Variants in DTWD2 observed in about 807,000 individuals in gnomAD.
The protein encoded by DTWD2 is tRNA-uridine aminocarboxypropyltransferase 2.
A neutral mutation model predicts 31.8 loss-of-function variants in DTWD2; 39 were observed. The ratio of observed to expected loss-of-function variants is 1.22; its 90% CI spans 0.95 to 1.60. DTWD2 has a LOEUF of 1.60. DTWD2 is among the 40% of genes most tolerant of loss of function. DTWD2 has a pLI of 0.00. For synonymous variants in DTWD2, 180 were observed against 142.8 expected, an observed-to-expected ratio of 1.26 and a Z score of -1.86; for missense variants, 515 against 381.5, an observed-to-expected ratio of 1.35 and a Z score of -2.92.
chr5:118,953,610 C>T (rs2149589862), intron 1 of DTWD2, among the ~76,000 whole-genome samples: 1 of 152,312 alleles, frequency 6.6e-6, no homozygotes, highest in East Asian at 1.9e-4. Context: ...CTTTGGACTT[C>T]CCTAAATTGG....
At chr5:118,903,084 A>G (rs1359356080) in intron 4 of DTWD2, among the ~76,000 whole-genome samples, 1 of 151,852 alleles carries the variant, frequency 6.6e-6, no homozygotes, top group Non-Finnish European at 1.5e-5. Context: ...AAAATAATAT[A>G]TCCTAAAATT....
At chr5:118,867,346 A>G (rs1752401142) in intron 4 of DTWD2, among the ~76,000 whole-genome samples, 1 of 152,138 alleles carries the variant, frequency 6.6e-6, no homozygotes, top group Admixed American at 6.5e-5. Context: ...AAAAGACTCT[A>G]AAGAATTCCA....
At chr5:118,967,357 T>A (rs1388005399) in intron 1 of DTWD2, among the ~76,000 whole-genome samples, 1 of 152,174 alleles carries the variant, frequency 6.6e-6, no homozygotes, top group Non-Finnish European at 1.5e-5. Context: ...TGTCCACTAA[T>A]AAGATAAACA....
intron 4 of DTWD2, among the ~76,000 whole-genome samples, chr5:118,867,747 C>G (rs898517524): frequency 1.3e-5 from 2 of 152,004 alleles, no homozygotes; most frequent in Non-Finnish European, 1.5e-5. Context: ...AACCATAAAC[C>G]ACACTGCTGA....
intron 4 of DTWD2, among the ~76,000 whole-genome samples, chr5:118,881,923 T>C (rs1752751097): frequency 6.6e-6 from 1 of 152,200 alleles, no homozygotes; most frequent in African/African-American, 2.4e-5. Flanking sequence ...CCCTGCCCCC[T>C]TGCAAATCTC....
At chr5:118,924,304 G>A (rs2149576843) in intron 4 of DTWD2, among the ~76,000 whole-genome samples, 1 of 152,252 alleles carries the variant, frequency 6.6e-6, no homozygotes, top group South Asian at 2.1e-4. Context: ...GAGAAAATCA[G>A]ACCAAAACAA....
At chr5:118,898,962 T>G (rs1186876489) in intron 4 of DTWD2, among the ~76,000 whole-genome samples, 1 of 152,216 alleles carries the variant, frequency 6.6e-6, no homozygotes, top group African/African-American at 2.4e-5. Context: ...TTACTAAAAT[T>G]TATGTATAAA....
intron 1 of DTWD2, among the ~76,000 whole-genome samples, chr5:118,969,854 G>T (rs1754943289): frequency 6.6e-6 from 1 of 152,244 alleles, no homozygotes; most frequent in Non-Finnish European, 1.5e-5. Flanking sequence ...ACAGAAGGAG[G>T]CTTCAGAAAA....
intron 4 of DTWD2, among the ~76,000 whole-genome samples, chr5:118,875,497 G>C (rs780663359): frequency 6.2e-5 from 9 of 145,614 alleles, no homozygotes; most frequent in African/African-American, 2.3e-4. Flanking sequence ...AAAATAAAGG[G>C]AGGGAGAAAA....
At chr5:118,913,450 C>CACGT (rs1554066464) in intron 4 of DTWD2, among the ~76,000 whole-genome samples, 2 of 146,338 alleles carry the variant, frequency 1.4e-5, no homozygotes, top group African/African-American at 2.5e-5. Flanking sequence ...CACACACACA[C>CACGT]GTGTGTGTGT....
At chr5:118,916,665 C>CAA (rs750721731) in intron 4 of DTWD2, among the ~76,000 whole-genome samples, 65 of 90,358 alleles carry the variant, frequency 7.2e-4, no homozygotes, top group African/African-American at 1.7e-3. Context: ...AACTCTGTCC[C>CAA]AAAAAAAAAA....
intron 3 of DTWD2, among the ~76,000 whole-genome samples, chr5:118,934,260 C>A (rs1308600227): frequency 1.8e-5 from 2 of 111,752 alleles, no homozygotes; most frequent in Admixed American, 2.2e-4. Flanking sequence ...CATAGTGAGA[C>A]CTTGTCTCCA....
chr5:118,945,579 A>G (rs1276861691), intron 1 of DTWD2, among the ~76,000 whole-genome samples: 1 of 152,056 alleles, frequency 6.6e-6, no homozygotes, highest in South Asian at 2.1e-4. Flanking sequence ...AGCCTGGCCA[A>G]TGTGGTGAAA....
intron 4 of DTWD2, among the ~76,000 whole-genome samples, chr5:118,887,056 T>C (rs1290993075): frequency 1.3e-5 from 2 of 152,194 alleles, no homozygotes; most frequent in East Asian, 1.9e-4. Context: ...AGGAAAGCAA[T>C]TTGAAATTGC....
At chr5:118,924,722 T>A (rs938860148) in intron 4 of DTWD2, among the ~76,000 whole-genome samples, 1 of 152,246 alleles carries the variant, frequency 6.6e-6, no homozygotes, top group African/African-American at 2.4e-5. Flanking sequence ...ACTATCATTT[T>A]ACAATCGAAG....
At chr5:118,882,642 C>T (rs979738041) in intron 4 of DTWD2, among the ~76,000 whole-genome samples, 1 of 152,258 alleles carries the variant, frequency 6.6e-6, no homozygotes, top group Non-Finnish European at 1.5e-5. Flanking sequence ...TTCTGCACAC[C>T]TGCAGGCCCA....
intron 4 of DTWD2, among the ~76,000 whole-genome samples, chr5:118,906,522 CA>C (rs2149568454): frequency 6.6e-6 from 1 of 152,124 alleles, no homozygotes; most frequent in East Asian, 1.9e-4. Context: ...GAAATAAAAA[CA>C]ATGAACTTCT....
rs567909390 is a variant in DTWD2, at chr5:118,902,945, A to G, written c.597+25592T>C. ...ATAAATAGATGTTTAAAAATATCTG[A>G]CATTATATTACATCCTTTGGGTATA... On this transcript the variant is annotated intron_variant, in intron 4 of 5. Coordinates refer to ENST00000510708, the MANE Select transcript of DTWD2 (RefSeq NM_173666.4). Among the ~76,000 whole-genome samples the G allele has an allele frequency of 2.6e-5, 4 of 152,230 alleles. No homozygotes were observed. The South Asian group carries it at 6.2e-4, about 24-fold the overall frequency.
At position 118,978,115 on chromosome 5, in the gene DTWD2, C is replaced by CT. The variant is rs34139721; in HGVS notation, c.218+10178dup. 4.2e-4 allele frequency among the ~76,000 whole-genome samples: 62 copies of CT among 148,114 alleles called. 1 individual carries two copies. Among genetic ancestry groups the CT allele is most frequent in the African/African-American group, 6.4e-4 (26 of 40,490 alleles). ...CAAGCAATGGGGAAAGGATTCCCTG[C>CT]TTTTTTTTTTTTTAACTTTTTTTTA... On this transcript the variant is annotated intron_variant, in intron 1 of 5. Coordinates refer to ENST00000510708, the MANE Select transcript of DTWD2 (RefSeq NM_173666.4).
Sources: gnomAD v4.1 joint callset for allele counts (sites outside exome capture counted in the v4.1 genomes callset) on GRCh38, gnomAD v4.1.1 for gene constraint, MANE v1.5 for transcripts, NCBI Gene and HGNC (gene_info 2026-07-23, HGNC 2026-07-21) for gene names.